The following OCA2 variants were observed in gnomAD, a reference collection of about 807,000 sequenced individuals.
OCA2 encodes the protein OCA2 melanosomal transmembrane protein.
A neutral mutation model predicts 100.2 loss-of-function variants in OCA2; 77 were observed. That is an observed-to-expected ratio of 0.77 (90% CI 0.64 to 0.93). The LOEUF is 0.93. Ranked by LOEUF, OCA2 falls within the 40% of genes least tolerant of loss-of-function variation. OCA2 has a pLI of 0.00. For synonymous variants in OCA2, 432 were observed against 439.2 expected (o/e 0.98, Z 0.21); for missense variants, 1,062 against 1,089.1 (o/e 0.98, Z 0.35).
At chr15:27,954,824 C>G (rs2040163857) in intron 17 of OCA2, among the ~76,000 whole-genome samples, 1 of 152,232 alleles carries the variant, frequency 6.6e-6, no homozygotes, top group Non-Finnish European at 1.5e-5. Flanking sequence ...TGCCGGTCTC[C>G]CCTCCGCAAA....
intron 23 of OCA2, among the ~76,000 whole-genome samples, chr15:27,836,769 C>T (rs1385947560): frequency 6.6e-6 from 1 of 152,226 alleles, no homozygotes; most frequent in African/African-American, 2.4e-5. Flanking sequence ...CTTTGAATCA[C>T]ACTGAACAAA....
intron 9 of OCA2, among the ~76,000 whole-genome samples, chr15:28,009,693 C>CAT (rs2042187244): frequency 1.5e-5 from 2 of 132,340 alleles, no homozygotes; most frequent in South Asian, 5.6e-4. Context: ...GTCACACACA[C>CAT]ACACACACAC....
At chr15:27,986,922 A>T (rs753884764) in intron 11 of OCA2, among the ~76,000 whole-genome samples, 2 of 152,164 alleles carry the variant, frequency 1.3e-5, no homozygotes, top group Non-Finnish European at 2.9e-5. Flanking sequence ...CACACAAAAA[A>T]ATCAGGTGTT....
chr15:27,932,789 A>G (rs1211571010), intron 18 of OCA2, among the ~76,000 whole-genome samples: 1 of 152,246 alleles, frequency 6.6e-6, no homozygotes, highest in Non-Finnish European at 1.5e-5. Flanking sequence ...GTGACCATAC[A>G]TGACAAGGAA....
intron 19 of OCA2, among the ~76,000 whole-genome samples, chr15:27,906,530 G>A (rs1014089200): frequency 6.6e-6 from 1 of 152,034 alleles, no homozygotes; most frequent in African/African-American, 2.4e-5. Context: ...GTTTATTGGA[G>A]TCCTTAAGGG....
chr15:28,085,656 C>A (rs1595933545), intron 1 of OCA2, among the ~76,000 whole-genome samples: 2 of 152,076 alleles, frequency 1.3e-5, no homozygotes, highest in African/African-American at 4.8e-5. Flanking sequence ...TGCTCCCACC[C>A]CCGCCCAGAC....
At chr15:27,894,932 G>T (rs2037624824) in intron 19 of OCA2, among the ~76,000 whole-genome samples, 1 of 152,170 alleles carries the variant, frequency 6.6e-6, no homozygotes, top group South Asian at 2.1e-4. Context: ...CTCACCTTTT[G>T]CCTGGACCTT....
chr15:27,915,615 A>G (rs773063154), intron 19 of OCA2, among the ~76,000 whole-genome samples: 2 of 152,346 alleles, frequency 1.3e-5, no homozygotes, highest in South Asian at 2.1e-4. Flanking sequence ...AATGCTCAAC[A>G]TGGCTAATCA....
chr15:27,739,139 A>G, the OCA2 span, among the ~76,000 whole-genome samples: 2 of 152,200 alleles, frequency 1.3e-5, no homozygotes, highest in Admixed American at 6.5e-5. Flanking sequence ...CTTTAGTTCC[A>G]GATACCTTCG....
At chr15:27,901,675 G>C (rs1293649212) in intron 19 of OCA2, among the ~76,000 whole-genome samples, 7 of 152,210 alleles carry the variant, frequency 4.6e-5, no homozygotes, top group African/African-American at 7.2e-5. Flanking sequence ...GAAAAAGATA[G>C]ACAATAACCT....
intron 19 of OCA2, chr15:27,896,012 C>T: frequency 2.0e-6 from 2 of 999,756 alleles, no homozygotes; most frequent in Non-Finnish European, 3.1e-6. Flanking sequence ...TACTGGCCTG[C>T]AGGCTTCTCA....
At chr15:28,070,350 C>A (rs1226252605) in intron 2 of OCA2, among the ~76,000 whole-genome samples, 1 of 123,460 alleles carries the variant, frequency 8.1e-6, no homozygotes, top group Non-Finnish European at 1.7e-5. Flanking sequence ...CCGCCCCGTC[C>A]GGGAGGTGAG....
chr15:27,835,257 T>C (rs1475385440), intron 23 of OCA2, among the ~76,000 whole-genome samples: 1 of 152,200 alleles, frequency 6.6e-6, no homozygotes, highest in Non-Finnish European at 1.5e-5. Flanking sequence ...ATGCGGCAGG[T>C]TGCATTTCCC....
the OCA2 span, among the ~76,000 whole-genome samples, chr15:27,727,435 T>A: frequency 6.6e-6 from 1 of 152,192 alleles, no homozygotes; most frequent in Non-Finnish European, 1.5e-5. Flanking sequence ...TCACAGATGT[T>A]ACCCTCTCAT....
intron 2 of OCA2, among the ~76,000 whole-genome samples, chr15:28,077,868 T>A (rs1436475029): frequency 2.0e-5 from 3 of 152,102 alleles, no homozygotes; most frequent in Admixed American, 6.5e-5. Context: ...GATCACGAGG[T>A]CAGGAGATCG....
At chr15:27,929,480 C>T (rs946245129) in intron 18 of OCA2, among the ~76,000 whole-genome samples, 1 of 151,930 alleles carries the variant, frequency 6.6e-6, no homozygotes, top group East Asian at 1.9e-4. Context: ...TAATCATATA[C>T]GAAATTTAAT....
At chr15:28,005,868 G>C (rs2042077013) in intron 9 of OCA2, among the ~76,000 whole-genome samples, 1 of 152,140 alleles carries the variant, frequency 6.6e-6, no homozygotes, top group African/African-American at 2.4e-5. Flanking sequence ...TGAAAACATA[G>C]AGCCAGACCC....
chr15:27,791,724 T>G (rs2033091783), intron 23 of OCA2, among the ~76,000 whole-genome samples: 3 of 152,180 alleles, frequency 2.0e-5, no homozygotes, highest in African/African-American at 7.2e-5. Context: ...CAGGGAAGAT[T>G]CAGATGGCCA....
At chr15:27,968,547 T>C (rs1174468691) in intron 14 of OCA2, among the ~76,000 whole-genome samples, 2 of 152,288 alleles carry the variant, frequency 1.3e-5, no homozygotes, top group Non-Finnish European at 2.9e-5. Context: ...TTAAAATTTA[T>C]GTATTTTTCC....
Sources: gnomAD v4.1 joint callset for allele counts (sites outside exome capture counted in the v4.1 genomes callset) on GRCh38, gnomAD v4.1.1 for gene constraint, MANE v1.5 for transcripts, NCBI Gene and HGNC (gene_info 2026-07-23, HGNC 2026-07-21) for gene names.